MPPED2: variants seen among roughly 807,000 people sequenced by gnomAD.
The protein encoded by MPPED2 is metallophosphoesterase domain containing 2, also known as metallophosphoesterase MPPED2.
A neutral mutation model predicts 33.0 loss-of-function variants in MPPED2; 5 were observed. The ratio of observed to expected loss-of-function variants is 0.15; its 90% confidence interval spans 0.08 to 0.32. The LOEUF (loss-of-function observed/expected upper bound fraction) is 0.32. Among genes scored for constraint, MPPED2 ranks in the 10% least tolerant of loss-of-function variants. The pLI, the probability that MPPED2 is intolerant of heterozygous loss-of-function variation, is 1.00. For missense variants in MPPED2, 275 were observed against 372.1 expected, an observed-to-expected ratio of 0.74 and a Z score of 2.15; for synonymous variants, 136 against 141.9, an observed-to-expected ratio of 0.96 and a Z score of 0.29.
intron 4 of MPPED2, among the ~76,000 whole-genome samples, chr11:30,431,136 T>C (rs1949059013): frequency 6.6e-6 from 1 of 152,170 alleles, no homozygotes; most frequent in Admixed American, 6.5e-5. Flanking sequence ...TCATGGATGA[T>C]GTGGGGCTTT....
intron 3 of MPPED2, among the ~76,000 whole-genome samples, chr11:30,534,240 A>G (rs541133313): frequency 6.6e-6 from 1 of 152,300 alleles, no homozygotes; most frequent in Non-Finnish European, 1.5e-5. Flanking sequence ...AACATTGTCA[A>G]CGCAGCTCGA....
chr11:30,559,902 T>C (rs1354629292), intron 2 of MPPED2, among the ~76,000 whole-genome samples: 1 of 152,168 alleles, frequency 6.6e-6, no homozygotes, highest in Non-Finnish European at 1.5e-5. Context: ...TTGAAAATAG[T>C]CTTCACATTA....
intron 2 of MPPED2, among the ~76,000 whole-genome samples, chr11:30,571,374 A>G (rs1956682332): frequency 6.6e-6 from 1 of 152,112 alleles, no homozygotes; most frequent in Admixed American, 6.5e-5. Flanking sequence ...TAGAATAAAA[A>G]TATGTAGACC....
In MPPED2 at chr11:30,536,106, T is replaced by G. The variant is rs140184093; in HGVS notation, c.198A>C (p.Thr66=). The G allele has an allele frequency of 6.2e-7, 1 of 1,613,100 alleles. No homozygotes were observed. The highest frequency in any genetic ancestry group is 1.1e-5 in the South Asian group (1 of 90,948). Residue 66 remains threonine (T), a synonymous_variant, in exon 3 of 7, where the codon ACA becomes ACC. Coordinates refer to ENST00000358117, the MANE Select transcript of MPPED2 (RefSeq NM_001584.3). The stretch of plus-strand genomic sequence containing the variant: ...TCTGGATACCATCTGTTCTGGAGTG[T>G]GTGTCTGAGATGCAGACAAACCGCG... The part of the protein sequence containing the change: ...GHTRFVCISD[T]HSRTDGIQMP...
chr11:30,457,721 G>A (rs1441267567), intron 4 of MPPED2, among the ~76,000 whole-genome samples: 1 of 152,168 alleles, frequency 6.6e-6, no homozygotes, highest in Non-Finnish European at 1.5e-5. Context: ...ATAGTTCGGA[G>A]TGCAAAGGTC....
chr11:30,416,053 C>T (rs1323155746), intron 5 of MPPED2, among the ~76,000 whole-genome samples: 1 of 152,210 alleles, frequency 6.6e-6, no homozygotes, highest in Admixed American at 6.5e-5. Flanking sequence ...AATGATGTAG[C>T]TACTCTAATG....
At chr11:30,504,718 T>C in intron 3 of MPPED2, 1 of 1,225,030 alleles carries the variant, frequency 8.2e-7, no homozygotes, top group Non-Finnish European at 1.1e-6. Flanking sequence ...TCCTGACAGC[T>C]CTAACGTTAA....
intron 3 of MPPED2, among the ~76,000 whole-genome samples, chr11:30,534,354 A>G (rs1954694828): frequency 6.6e-6 from 1 of 152,228 alleles, no homozygotes; most frequent in Non-Finnish European, 1.5e-5. Flanking sequence ...AAGTTGCTAA[A>G]ATAAAGAGAT....
At chr11:30,427,394 C>A (rs184392606) in intron 4 of MPPED2, among the ~76,000 whole-genome samples, 8 of 152,122 alleles carry the variant, frequency 5.3e-5, no homozygotes, top group African/African-American at 1.9e-4. Context: ...TATTCTAGGG[C>A]ATTATCAAGG....
At chr11:30,424,981 G>C (rs1465586433) in intron 4 of MPPED2, among the ~76,000 whole-genome samples, 1 of 152,166 alleles carries the variant, frequency 6.6e-6, no homozygotes, top group Non-Finnish European at 1.5e-5. Flanking sequence ...GCCTCCAAAG[G>C]GTAGTGCTGG....
chr11:30,419,526 TC>T (rs1420682455), intron 4 of MPPED2, among the ~76,000 whole-genome samples: 1 of 152,188 alleles, frequency 6.6e-6, no homozygotes, highest in Non-Finnish European at 1.5e-5. Context: ...TTTTGTCTGT[TC>T]AGATCTTTCC....
intron 4 of MPPED2, among the ~76,000 whole-genome samples, chr11:30,461,693 A>G (rs1950524270): frequency 1.3e-5 from 2 of 152,330 alleles, no homozygotes; most frequent in East Asian, 1.9e-4. Flanking sequence ...AAAGACCTTG[A>G]AAAAATAGAG....
At chr11:30,393,488 G>A (rs1947804605) in intron 6 of MPPED2, among the ~76,000 whole-genome samples, 1 of 152,060 alleles carries the variant, frequency 6.6e-6, no homozygotes, top group East Asian at 1.9e-4. Flanking sequence ...GTCCAGGGAT[G>A]GTTTGGCACA....
intron 1 of MPPED2, among the ~76,000 whole-genome samples, chr11:30,583,279 A>T (rs1329427373): frequency 1.3e-5 from 2 of 151,742 alleles, no homozygotes; most frequent in Non-Finnish European, 2.9e-5. Flanking sequence ...TATCAAGAAG[A>T]TGTATATTTA....
intron 4 of MPPED2, among the ~76,000 whole-genome samples, chr11:30,494,451 A>G (rs1040514697): frequency 6.6e-6 from 1 of 152,090 alleles, no homozygotes; most frequent in African/African-American, 2.4e-5. Flanking sequence ...AAATATTAGA[A>G]AAAGGGCCAG....
At chr11:30,493,947 G>A (rs150235505) in intron 4 of MPPED2, among the ~76,000 whole-genome samples, 19 of 152,250 alleles carry the variant, frequency 1.2e-4, no homozygotes, top group East Asian at 5.8e-4. Context: ...AGATTGACAC[G>A]CTTCTTGTCT....
intron 3 of MPPED2, among the ~76,000 whole-genome samples, chr11:30,515,123 G>A (rs1002277543): frequency 3.7e-4 from 56 of 152,142 alleles, no homozygotes; most frequent in African/African-American, 1.3e-3. Context: ...ACCTTTATAC[G>A]TTAACCTACC....
At chr11:30,511,983 G>A (rs2134311495) in intron 3 of MPPED2, among the ~76,000 whole-genome samples, 1 of 152,200 alleles carries the variant, frequency 6.6e-6, no homozygotes, top group East Asian at 1.9e-4. Context: ...GTTCAACAAA[G>A]CTAGCATATT....
Position 30,411,193 on chromosome 11 carries a change from G to C in MPPED2, c.*275C>G. 9.3e-7 allele frequency: 1 copy of C among 1,074,742 alleles called. No individual in the cohort carries two copies. Among genetic ancestry groups the C allele is most frequent in the Non-Finnish European group, 1.1e-6 (1 of 887,474 alleles). The allele number at this position is 1,074,742 out of a possible 1,614,324, so 66.6% of individuals were successfully genotyped here. ...TTTATCACTTTTTAAAAGAAAGCTT[G>C]GCTGTCCTTTGGCGAACACTAACAA... On this transcript the variant is annotated 3_prime_UTR_variant, in exon 7 of 7. Transcript: ENST00000358117.
Sources: allele counts gnomAD v4.1 joint callset (sites outside exome capture counted in the v4.1 genomes callset), GRCh38; gene constraint gnomAD v4.1.1; transcripts MANE v1.5; gene names NCBI Gene and HGNC (gene_info 2026-07-23, HGNC 2026-07-21).